The following ANKRD36C variants were observed in gnomAD, a reference collection of about 807,000 sequenced individuals.
ANKRD36C encodes the protein ankyrin repeat domain-containing protein 36C.
A neutral mutation model predicts 276.4 loss-of-function variants in ANKRD36C; 61 were observed. The observed-to-expected ratio is 0.22, with a 90% CI of 0.18 to 0.27. The LOEUF (loss-of-function observed/expected upper bound fraction) is 0.27, where lower values mean the gene tolerates loss of function less well. Ranked by LOEUF, ANKRD36C falls within the 10% of genes least tolerant of loss-of-function variation. The pLI is 1.00. For missense variants in ANKRD36C, 1,447 were observed against 2,032.3 expected, an observed-to-expected ratio of 0.71 and a Z score of 5.54; for synonymous variants, 483 against 680.1, an observed-to-expected ratio of 0.71 and a Z score of 4.51.
At chr2:95,919,567 T>G (rs1677208383) in intron 34 of ANKRD36C, among the ~76,000 whole-genome samples, 166 bp downstream of exon 36, 1 of 132,014 alleles carries the variant, frequency 7.6e-6, no homozygotes, top group Non-Finnish European at 1.7e-5. Flanking sequence ...CCAACAGCAT[T>G]AGCGTCTCCC....
At chr2:95,921,520 C>T (rs534088333) in intron 34 of ANKRD36C, 87 bp downstream of exon 34, 21 of 1,518,348 alleles carry the variant, frequency 1.4e-5, no homozygotes, top group Middle Eastern at 2.3e-4. Flanking sequence ...CGAGCCCCCC[C>T]ACCTGCCCTC....
exon 35 of ANKRD36C, chr2:95,918,025 G>C: frequency 6.2e-7 from 1 of 1,600,894 alleles, no homozygotes; most frequent in Non-Finnish European, 8.5e-7. Flanking sequence ...TTCAAGGCTG[G>C]TTGTTTCTGA....
intron 1 of ANKRD36C, among the ~76,000 whole-genome samples, chr2:95,989,131 C>A (rs1026699582): frequency 1.3e-5 from 2 of 152,152 alleles, no homozygotes; most frequent in African/African-American, 4.8e-5. Flanking sequence ...CATGCCACTG[C>A]ACTCCAGGCT....
rs1243739830 is a variant in ANKRD36C at position 95,923,646 on chromosome 2, TGA to T, written c.2070+13_2070+14del. On this transcript the variant is annotated intron_variant, in intron 31 of 66. Coordinates refer to ENST00000456556, the Ensembl canonical transcript of ANKRD36C. ...TACAGTTACTAATACAAAATATAAA[TGA>T]GAGTTTAATTACCTTTGAGGGTGGT... 1.2e-6 allele frequency: 2 copies of T among 1,610,094 alleles called. No individual in the cohort carries two copies. The highest frequency in any genetic ancestry group is 2.7e-5 in the African/African-American group (2 of 74,632).
chr2:95,902,470 T>C (rs1573752286), intron 42 of ANKRD36C, among the ~76,000 whole-genome samples: 1 of 147,920 alleles, frequency 6.8e-6, no homozygotes, highest in East Asian at 2.0e-4. Flanking sequence ...AGGGGTCTCC[T>C]TAGTTCTCCT....
At chr2:95,890,073 C>A in intron 46 of ANKRD36C, 79 bp from the exon 67 acceptor site, 1 of 1,526,690 alleles carries the variant, frequency 6.6e-7, no homozygotes, top group Non-Finnish European at 9.0e-7. Context: ...GTGTTAGCAT[C>A]AATCTCTGTC....
intron 36 of ANKRD36C, among the ~76,000 whole-genome samples, chr2:95,916,497 A>G (rs560810354): frequency 1.3e-5 from 2 of 151,802 alleles, no homozygotes; most frequent in South Asian, 2.1e-4. Flanking sequence ...CAACTCATAC[A>G]CGTGAGAATC....
chr2:95,979,358 AG>A (rs1293496591), intron 5 of ANKRD36C, among the ~76,000 whole-genome samples: 1 of 152,038 alleles, frequency 6.6e-6, no homozygotes, highest in Non-Finnish European at 1.5e-5. Flanking sequence ...TGCCAAAGCA[AG>A]CACAAAGCCT....
intron 54 of ANKRD36C, among the ~76,000 whole-genome samples, chr2:95,883,762 T>A (rs1400497636): frequency 6.6e-6 from 1 of 152,138 alleles, no homozygotes; most frequent in Non-Finnish European, 1.5e-5. Context: ...TCGTTAGTTC[T>A]TGTTCTACAG....
chr2:95,919,382 A>G (rs1011135513), intron 34 of ANKRD36C, among the ~76,000 whole-genome samples: 2 of 133,182 alleles, frequency 1.5e-5, no homozygotes, highest in African/African-American at 5.1e-5. Flanking sequence ...GACGTCTGTA[A>G]AATCTGTACT....
chr2:95,855,535 A>G, exon 63 of ANKRD36C: 3 of 1,611,250 alleles, frequency 1.9e-6, no homozygotes, highest in Non-Finnish European at 2.5e-6. Flanking sequence ...TTTTCTATGC[A>G]TTTTTCCATT....
At chr2:95,890,272 G>A (rs915803927) in intron 46 of ANKRD36C, among the ~76,000 whole-genome samples, 8 of 151,446 alleles carry the variant, frequency 5.3e-5, no homozygotes, top group African/African-American at 7.3e-5. Flanking sequence ...TCGATATGCC[G>A]AGTGATGAGG....
chr2:95,914,582 G>C (rs180805506), intron 38 of ANKRD36C, among the ~76,000 whole-genome samples: 1 of 151,330 alleles, frequency 6.6e-6, no homozygotes, highest in Non-Finnish European at 1.5e-5. Context: ...TGCATAGGCC[G>C]GGTGATGAGA....
chr2:95,940,399 C>T (rs376773293), intron 20 of ANKRD36C, among the ~76,000 whole-genome samples: 26 of 148,780 alleles, frequency 1.7e-4, no homozygotes, highest in African/African-American at 5.8e-4. Flanking sequence ...ATAAATTTCT[C>T]GTTTGTTTTT....
At chr2:95,857,653 C>T (rs370090107) in intron 61 of ANKRD36C, among the ~76,000 whole-genome samples, 161 bp from the exon 82 acceptor site, 9,321 of 150,088 alleles carry the variant, frequency 0.062, 272 homozygotes, top group African/African-American at 0.14. Context: ...TTGTGACTTG[C>T]TTTTCAATCT....
intron 10 of ANKRD36C, among the ~76,000 whole-genome samples, chr2:95,959,830 G>C (rs1196599392): frequency 2.6e-5 from 4 of 152,124 alleles, no homozygotes; most frequent in African/African-American, 9.7e-5. Flanking sequence ...ACAGGTGACT[G>C]TGGTTCATCA....
intron 6 of ANKRD36C, among the ~76,000 whole-genome samples, chr2:95,964,972 C>T (rs530210159): frequency 1.5e-3 from 226 of 151,938 alleles, no homozygotes; most frequent in Non-Finnish European, 1.6e-3. Context: ...TCCAATGACA[C>T]TGCCTCTCCT....
chr2:95,984,239 AG>A (rs1199452847), intron 3 of ANKRD36C, among the ~76,000 whole-genome samples: 1 of 151,762 alleles, frequency 6.6e-6, no homozygotes, highest in African/African-American at 2.4e-5. Context: ...TACAGAGGCA[AG>A]GGAGATGACC....
At chr2:95,967,482 G>C (rs1243669222) in intron 6 of ANKRD36C, among the ~76,000 whole-genome samples, 1 of 152,166 alleles carries the variant, frequency 6.6e-6, no homozygotes, top group Non-Finnish European at 1.5e-5. Context: ...AAAAGGTCAG[G>C]AAACAACAGA....
Sources: gnomAD v4.1 joint callset for allele counts (sites outside exome capture counted in the v4.1 genomes callset) on GRCh38, gnomAD v4.1.1 for gene constraint, MANE v1.5 for transcripts, NCBI Gene and HGNC (gene_info 2026-07-23, HGNC 2026-07-21) for gene names.